The following KBTBD11 variants were observed in gnomAD, a reference collection of about 807,000 sequenced individuals.
KBTBD11 encodes the protein kelch repeat and BTB domain-containing protein 11.
For missense variants in KBTBD11, 1,390 were observed against 1,001.8 expected (o/e 1.39, Z -5.23); for synonymous variants, 747 against 499.0 (o/e 1.50, Z -6.63).
intron 1 of KBTBD11, among the ~76,000 whole-genome samples, chr8:1,994,787 G>C (rs564464344): frequency 6.6e-6 from 1 of 152,300 alleles, no homozygotes; most frequent in Non-Finnish European, 1.5e-5. Flanking sequence ...GGCCAGGCGT[G>C]GTGGCTGACG....
intron 1 of KBTBD11, among the ~76,000 whole-genome samples, chr8:1,987,020 A>AAAC (rs1481724355): frequency 4.1e-5 from 5 of 122,178 alleles, no homozygotes; most frequent in African/African-American, 1.3e-4. Context: ...AAAAAAAAAA[A>AAAC]AAAAAAAAAA....
intron 1 of KBTBD11, among the ~76,000 whole-genome samples, chr8:1,985,671 T>C (rs979422163): frequency 3.9e-5 from 6 of 152,208 alleles, no homozygotes; most frequent in African/African-American, 1.4e-4. Context: ...GAAATAAAAA[T>C]ATGTTGGCCA....
At chr8:1,981,990 C>T (rs1816554981) in intron 1 of KBTBD11, among the ~76,000 whole-genome samples, 1 of 152,206 alleles carries the variant, frequency 6.6e-6, no homozygotes, top group Admixed American at 6.5e-5. Context: ...CCCCTCTCAT[C>T]TACCGGTCTA....
At chr8:1,985,274 G>C (rs1816673582) in intron 1 of KBTBD11, among the ~76,000 whole-genome samples, 1 of 152,260 alleles carries the variant, frequency 6.6e-6, no homozygotes, top group Admixed American at 6.5e-5. Flanking sequence ...AGGGTGAGCT[G>C]TCAGGAGCTC....
At chr8:1,996,098 C>G (rs193107917) in intron 1 of KBTBD11, among the ~76,000 whole-genome samples, 1 of 152,198 alleles carries the variant, frequency 6.6e-6, no homozygotes, top group Admixed American at 6.5e-5. Context: ...AGACTTATGG[C>G]CCTTCTTTCT....
At position 2,002,723 on chromosome 8, in the gene KBTBD11, C is replaced by T. The variant is rs1817435330; in HGVS notation, c.1531C>T (p.Arg511Cys). ...CTACCGCTTCGATCTGAGCGGCAGC[C>T]GCGGCGAGGCGCAGGCGGCGGGGCC... Reference protein sequence around the residue: ...FIYRFDLSGSRGEAQAAGPSG... With the variant: ...FIYRFDLSGSCGEAQAAGPSG... Residue 511 changes from arginine (R) to cysteine (C), a missense_variant, in exon 2 of 2, where the codon CGC becomes TGC. Physicochemically the swap from Arg to Cys is radical, Grantham distance 180. Transcript: ENST00000320248. The surrounding 1 kb of genome is among the most constrained non-coding windows in gnomAD (Gnocchi z 4.1). 2.0e-6 allele frequency: 3 copies of T among 1,510,348 alleles called. No homozygotes were observed. The highest frequency in any genetic ancestry group is 2.6e-6 in the Non-Finnish European group (3 of 1,136,512). The allele number at this position is 1,510,348 out of a possible 1,614,324, so 93.6% of individuals were successfully genotyped here.
rs539925421 is a variant in KBTBD11 at position 1,999,581 on chromosome 8, C to T, written c.-908-704C>T. On this transcript the variant is annotated intron_variant, in intron 1 of 1. Transcript: ENST00000320248. ...ATGCATCTGCCGGCACTCATATCTG[C>T]CTTCCACATACTTCATTCAGTCTTT... 3.9e-5 allele frequency among the ~76,000 whole-genome samples: 6 copies of T among 152,344 alleles called. No homozygotes were observed. The East Asian group carries it at 1.2e-3, about 29-fold the overall frequency.
chr8:1,975,793 T>A (rs34777077), intron 1 of KBTBD11: 1 of 152,144 alleles, frequency 6.6e-6, no homozygotes, highest in Non-Finnish European at 1.5e-5. Flanking sequence ...AGCACCTTGC[T>A]CTGGGTGGAT....
intron 1 of KBTBD11, among the ~76,000 whole-genome samples, chr8:1,999,988 G>A (rs1337248888): frequency 1.3e-5 from 2 of 152,148 alleles, no homozygotes; most frequent in African/African-American, 4.8e-5. Flanking sequence ...AACTTCATAT[G>A]GTTCAACCGA....
intron 1 of KBTBD11, among the ~76,000 whole-genome samples, chr8:1,978,183 G>T (rs575008263): frequency 1.3e-5 from 2 of 152,302 alleles, no homozygotes; most frequent in East Asian, 3.9e-4. Flanking sequence ...AGTGTGTGTT[G>T]TTCCCCTCCC....
At chr8:1,998,173 T>G (rs1432303067) in intron 1 of KBTBD11, among the ~76,000 whole-genome samples, 2 of 152,202 alleles carry the variant, frequency 1.3e-5, no homozygotes, top group Non-Finnish European at 2.9e-5. Context: ...AATGTAAGTA[T>G]AAATGCAAGT....
intron 1 of KBTBD11, among the ~76,000 whole-genome samples, chr8:1,995,470 C>T (rs1817103169): frequency 6.6e-6 from 1 of 152,144 alleles, no homozygotes. Flanking sequence ...TGTAATTCTG[C>T]ACATTTTCAT....
intron 1 of KBTBD11, among the ~76,000 whole-genome samples, chr8:1,986,065 G>T (rs937047229): frequency 2.0e-5 from 3 of 152,180 alleles, no homozygotes; most frequent in African/African-American, 7.2e-5. Context: ...AAAAATAGTA[G>T]CTAAAATATC....
At chr8:1,977,260 G>A (rs1046029934) in intron 1 of KBTBD11, among the ~76,000 whole-genome samples, 4 of 152,162 alleles carry the variant, frequency 2.6e-5, no homozygotes, top group Non-Finnish European at 4.4e-5. Context: ...GAGTCCTAAA[G>A]TGAAATCATT....
intron 1 of KBTBD11, among the ~76,000 whole-genome samples, chr8:1,988,255 G>T (rs556313333): frequency 3.2e-4 from 48 of 152,320 alleles, no homozygotes; most frequent in Middle Eastern, 3.4e-3. Context: ...CCACTAATGG[G>T]ATGGCTGGGT....
At chr8:1,992,748 T>C (rs529871989) in intron 1 of KBTBD11, among the ~76,000 whole-genome samples, 16 of 152,244 alleles carry the variant, frequency 1.1e-4, no homozygotes, top group Middle Eastern at 3.4e-3. Flanking sequence ...TTAGAAAATA[T>C]TGAAACTCAG....
chr8:1,985,612 G>A (rs748068527), intron 1 of KBTBD11, among the ~76,000 whole-genome samples: 2 of 152,222 alleles, frequency 1.3e-5, no homozygotes, highest in African/African-American at 2.4e-5. Context: ...ATCTCACCCC[G>A]AACACGCTAC....
At chr8:1,985,392 C>G (rs1563366003) in intron 1 of KBTBD11, among the ~76,000 whole-genome samples, 1 of 152,244 alleles carries the variant, frequency 6.6e-6, no homozygotes. Flanking sequence ...CTGTCTCATG[C>G]GCTTAGGGGT....
At chr8:1,986,367 AC>A (rs1277127700) in intron 1 of KBTBD11, among the ~76,000 whole-genome samples, 2 of 152,232 alleles carry the variant, frequency 1.3e-5, no homozygotes, top group Non-Finnish European at 2.9e-5. Flanking sequence ...GAAGTAGGAG[AC>A]GGGTTTCTGC....
Sources: allele counts gnomAD v4.1 joint callset (sites outside exome capture counted in the v4.1 genomes callset), GRCh38; gene constraint gnomAD v4.1.1; non-coding constraint Gnocchi (gnomAD v3.1); transcripts MANE v1.5; gene names NCBI Gene and HGNC (gene_info 2026-07-23, HGNC 2026-07-21).